Variants in ABCB10 observed in about 807,000 individuals in gnomAD.
ABCB10 encodes ATP binding cassette subfamily B member 10.
In ABCB10, 54 loss-of-function variants were observed where a neutral mutation model predicts 65.4. The ratio of observed to expected loss-of-function variants is 0.83; its 90% CI spans 0.66 to 1.04. ABCB10 has a LOEUF of 1.04. Ranked by LOEUF, ABCB10 falls within the 50% of genes least tolerant of loss-of-function variation. ABCB10 has a pLI of 0.00. For synonymous variants in ABCB10, 418 were observed against 406.5 expected, an observed-to-expected ratio of 1.03 and a Z score of -0.34; for missense variants, 846 against 976.6, an observed-to-expected ratio of 0.87 and a Z score of 1.78.
chr1:229,558,442 CG>C lies in ABCB10; in HGVS notation c.210del (p.Ser70ArgfsTer142). On this transcript the variant is annotated frameshift_variant, in exon 1 of 13. Transcript: ENST00000344517. LOFTEE classifies it high-confidence loss of function. ...WGVGAARRWRSGCRGGGPGAS... is the reference protein window; with the variant it reads ...WGVGAARRWRXGCRGGGPGAS... The stretch of plus-strand genomic sequence containing the variant: ...GCGCCCGGACCCCCGCCCCGGCAGC[CG>C]CTCCTCCAGCGGCGCGCGGCTCCAA... The C allele has an allele frequency of 8.2e-7, 1 of 1,217,128 alleles. No homozygotes were observed. The highest frequency in any genetic ancestry group is 3.3e-5 in the South Asian group (1 of 30,244). 75.4% of individuals were successfully genotyped at this position (1,217,128 alleles called of 1,614,324 possible). A position where few individuals can be genotyped will look rare whatever the true frequency, so the allele number is the denominator to read the frequency against.
intron 3 of ABCB10, among the ~76,000 whole-genome samples, chr1:229,544,241 A>T (rs1662915932): frequency 6.6e-6 from 1 of 151,974 alleles, no homozygotes; most frequent in Admixed American, 6.5e-5. Flanking sequence ...ACATGGTGAG[A>T]CACTGTCTCT....
intron 1 of ABCB10, among the ~76,000 whole-genome samples, chr1:229,555,616 T>C (rs1663230640): frequency 6.6e-6 from 1 of 152,248 alleles, no homozygotes; most frequent in African/African-American, 2.4e-5. Flanking sequence ...GGAGGTATTA[T>C]TATTAAAATA....
intron 8 of ABCB10, among the ~76,000 whole-genome samples, chr1:229,527,949 T>C (rs1053066203): frequency 2.0e-5 from 3 of 152,246 alleles, no homozygotes; most frequent in Non-Finnish European, 4.4e-5. Context: ...GAATCTGTTG[T>C]CTGCAACTAA....
In ABCB10 at chr1:229,527,245, A is replaced by G; in HGVS notation, c.1709T>C (p.Ile570Thr). The G allele has an allele frequency of 1.9e-6, 3 of 1,613,914 alleles. No homozygotes were observed. Among genetic ancestry groups the G allele is most frequent in the Admixed American group, 1.7e-5 (1 of 60,004 alleles). ...TCTTCTTACCTGACTCACTGTCCCA[A>G]TTTTGGATCTCAGCCACACTGGGTT... ...QLNPVWLRSK[I>T]GTVSQEPILF... The change falls in exon 9 of 13, where the codon ATT becomes ACT. Residue 570 changes from isoleucine (I) to threonine (T), a missense_variant. By Grantham distance (89) the Ile-to-Thr change is moderately conservative. Around this residue, in one of 2 missense-constraint regions of ABCB10, gnomAD observed 632 missense variants for 803.2 expected, o/e 0.79. Coordinates refer to ENST00000344517, the MANE Select transcript of ABCB10 (RefSeq NM_012089.3).
chr1:229,518,597 G>T (rs1309087529), intron 12 of ABCB10, among the ~76,000 whole-genome samples, 187 bp from the exon 13 acceptor site: 1 of 152,206 alleles, frequency 6.6e-6, no homozygotes, highest in African/African-American at 2.4e-5. Context: ...CACAGTTACA[G>T]CTTACAGAGT....
intron 8 of ABCB10, among the ~76,000 whole-genome samples, chr1:229,529,766 G>C (rs1662535837): frequency 1.3e-5 from 2 of 151,972 alleles, no homozygotes; most frequent in Admixed American, 1.3e-4. Context: ...AGAGGCAGAG[G>C]TTCTCCAGGA....
At chr1:229,531,922 T>G in intron 6 of ABCB10, 191 bp from the exon 7 acceptor site, 1 of 405,164 alleles carries the variant, frequency 2.5e-6, no homozygotes, top group Non-Finnish European at 4.4e-6. Flanking sequence ...AGTTTTCCTT[T>G]GGCTTCTCCT....
intron 12 of ABCB10, 39 bp downstream of exon 12, chr1:229,518,802 T>C: frequency 6.6e-7 from 1 of 1,525,428 alleles, no homozygotes; most frequent in Non-Finnish European, 8.9e-7. Flanking sequence ...GAATTTGGTT[T>C]AATACACACA....
Position 229,526,006 on chromosome 1 carries a change from T to C in ABCB10, c.1836A>G (p.Ala612=), listed in dbSNP as rs748196983. The change falls in exon 10 of 13, where the codon GCA becomes GCG. Residue 612 remains alanine (A), a synonymous_variant. Coordinates refer to ENST00000344517, the MANE Select transcript of ABCB10 (RefSeq NM_012089.3). The stretch of plus-strand genomic sequence containing the variant: ...GGGGGAAATTCCGGATGAAGGCCAC[T>C]GCATTGGCCACTTCAGCCACTCTCT... ...EIQRVAEVAN[A]VAFIRNFPQG... is the part of the protein sequence containing the mutation. The C allele has an allele frequency of 4.3e-6, 7 of 1,614,244 alleles. No homozygotes were observed. In the South Asian group the frequency reaches 6.6e-5, roughly 15 times the overall value.
chr1:229,542,056 T>C (rs1300225008), intron 4 of ABCB10, among the ~76,000 whole-genome samples, 181 bp downstream of exon 4: 2 of 151,768 alleles, frequency 1.3e-5, no homozygotes, highest in African/African-American at 4.8e-5. Context: ...GAGATATGGG[T>C]AGAAATCTAG....
intron 6 of ABCB10, among the ~76,000 whole-genome samples, chr1:229,535,884 C>T (rs1417758131): frequency 6.6e-6 from 1 of 152,118 alleles, no homozygotes; most frequent in African/African-American, 2.4e-5. Context: ...AACCAGCACA[C>T]CCAGCTAATT....
At chr1:229,527,452 A>C in intron 8 of ABCB10, 144 bp from the exon 9 acceptor site, 1 of 708,486 alleles carries the variant, frequency 1.4e-6, no homozygotes. Context: ...TCTAAAACTA[A>C]CATATTTCAT....
Position 229,542,329 on chromosome 1 carries a change from C to A in ABCB10, c.964G>T (p.Val322Leu). The A allele has an allele frequency of 6.2e-7, 1 of 1,613,930 alleles. No individual in the cohort carries two copies. Among genetic ancestry groups the A allele is most frequent in the Non-Finnish European group, 8.5e-7 (1 of 1,179,984 alleles). The part of the protein sequence containing the change: ...PNLATFVLSV[V>L]PPVSIIAVIY... ...ACAGCAATGATTGACACTGGAGGCACCACGCTCAAAACAAAGGTGGCCAGA... is the reference window on the plus strand; with the variant it reads ...ACAGCAATGATTGACACTGGAGGCAACACGCTCAAAACAAAGGTGGCCAGA... The change falls in exon 4 of 13, where the codon GTG (valine) becomes TTG (leucine). Residue 322 changes from valine (V) to leucine (L), a missense_variant. By Grantham distance (32) the Val-to-Leu change is conservative (BLOSUM62 1). Transcript: ENST00000344517.
rs528728911 is a variant in ABCB10, at chr1:229,544,493, T to C, written c.922-2122A>G. Among the ~76,000 whole-genome samples the C allele has an allele frequency of 7.2e-5, 10 of 139,098 alleles. No individual in the cohort carries two copies. The South Asian group carries it at 2.5e-3, about 35-fold the overall frequency. 91.3% of individuals were successfully genotyped at this position (139,098 alleles called of 152,430 possible). On this transcript the variant is annotated intron_variant, in intron 3 of 12. Coordinates refer to ENST00000344517, the MANE Select transcript of ABCB10 (RefSeq NM_012089.3). ...TGGGTAGGCCCACTATGTAAATTAA[T>C]AAATTGGCAGTATGCCATACACAAT...
intron 8 of ABCB10, among the ~76,000 whole-genome samples, chr1:229,528,389 T>C (rs1662493054): frequency 6.6e-6 from 1 of 151,880 alleles, no homozygotes; most frequent in Non-Finnish European, 1.5e-5. Flanking sequence ...GGTCTCAAAC[T>C]CCCGGGCTCA....
chr1:229,518,417 CAGG>C lies in ABCB10; in HGVS notation c.1986-10_1986-8del, dbSNP rs1662228021. 6.2e-7 allele frequency: 1 copy of C among 1,612,134 alleles called. No individual in the cohort carries two copies. The highest frequency in any genetic ancestry group is 8.5e-7 in the Non-Finnish European group (1 of 1,178,182). On this transcript the variant is annotated splice_polypyrimidine_tract_variant and splice_region_variant and intron_variant, in intron 12 of 12. Transcript: ENST00000344517. Reference sequence around the variant, plus strand: ...ATTTTCGGCATCCAGCGCACTGACACAGGAGCACACACACAAGAAAGCAAAGAC... The same window carrying C: ...ATTTTCGGCATCCAGCGCACTGACACAGCACACACACAAGAAAGCAAAGAC...
intron 3 of ABCB10, among the ~76,000 whole-genome samples, chr1:229,544,092 G>A (rs1187599904): frequency 6.6e-6 from 1 of 152,164 alleles, no homozygotes; most frequent in Non-Finnish European, 1.5e-5. Flanking sequence ...CTAATACAGG[G>A]TGCTGGCACC....
chr1:229,556,547 G>A (rs982036259), intron 1 of ABCB10, among the ~76,000 whole-genome samples: 3 of 152,122 alleles, frequency 2.0e-5, no homozygotes, highest in South Asian at 2.1e-4. Context: ...AGGCAGTCTC[G>A]TCTTGTTTAA....
intron 1 of ABCB10, among the ~76,000 whole-genome samples, chr1:229,554,063 GA>G (rs1043221973): frequency 6.6e-6 from 1 of 152,236 alleles, no homozygotes; most frequent in African/African-American, 2.4e-5. Context: ...GACAGAAGAG[GA>G]AAGATGCTTT....
Sources: gnomAD v4.1 joint callset for allele counts (sites outside exome capture counted in the v4.1 genomes callset) on GRCh38, gnomAD v4.1.1 for gene constraint, gnomAD v4.1.1 regional missense constraint, MANE v1.5 for transcripts, NCBI Gene and HGNC (gene_info 2026-07-23, HGNC 2026-07-21) for gene names.